The following KIAA1671 variants were observed in gnomAD, a reference collection of about 807,000 sequenced individuals.
KIAA1671 encodes KIAA1671.
In KIAA1671, 52 loss-of-function variants were observed where a neutral mutation model predicts 131.2. That is an observed-to-expected ratio of 0.40 (90% CI 0.32 to 0.50). KIAA1671 has a LOEUF of 0.50. KIAA1671 is among the 20% of genes least tolerant of loss of function. The pLI is 0.73. For synonymous variants in KIAA1671, 1,003 were observed against 961.6 expected (o/e 1.04, Z -0.80); for missense variants, 2,360 against 2,364.2 (o/e 1.00, Z 0.04).
intron 1 of KIAA1671, among the ~76,000 whole-genome samples, chr22:24,999,888 CTTTG>C (rs1361704382): frequency 4.0e-5 from 6 of 149,022 alleles, no homozygotes; most frequent in African/African-American, 9.9e-5. Context: ...CATTTATGTG[CTTTG>C]TTTGTTTGTT....
chr22:25,003,276 T>G (rs1329914582), intron 1 of KIAA1671, among the ~76,000 whole-genome samples: 1 of 152,204 alleles, frequency 6.6e-6, no homozygotes, highest in African/African-American at 2.4e-5. Flanking sequence ...TTGTGAAGCA[T>G]TTCATATAGA....
At chr22:25,049,468 C>CG in intron 6 of KIAA1671, 104 bp downstream of exon 6, 2 of 1,332,540 alleles carry the variant, frequency 1.5e-6, no homozygotes, top group Non-Finnish European at 2.0e-6. Context: ...AGGGCCCTGA[C>CG]GGGGTTGAGG....
intron 1 of KIAA1671, among the ~76,000 whole-genome samples, chr22:25,016,484 C>T (rs1184197948): frequency 1.3e-5 from 2 of 152,170 alleles, no homozygotes; most frequent in South Asian, 2.1e-4. Flanking sequence ...TTAAAAATGA[C>T]AGGAAATTTA....
intron 4 of KIAA1671, among the ~76,000 whole-genome samples, chr22:25,034,124 C>T (rs1926458449): frequency 6.6e-6 from 1 of 151,024 alleles, no homozygotes; most frequent in Non-Finnish European, 1.5e-5. Context: ...TGGCTCACAG[C>T]AACATCCACC....
intron 6 of KIAA1671, among the ~76,000 whole-genome samples, chr22:25,066,691 C>G (rs1371227068): frequency 1.3e-5 from 2 of 152,168 alleles, no homozygotes; most frequent in East Asian, 3.9e-4. Context: ...TTTGCAGGTT[C>G]TAGGTGGACA....
At chr22:25,112,683 C>T (rs916121972) in intron 6 of KIAA1671, 2 of 309,796 alleles carry the variant, frequency 6.5e-6, no homozygotes. Flanking sequence ...TTGCTGGAGT[C>T]GACGTCTGTG....
Position 25,039,991 on chromosome 22 carries a change from C to A in KIAA1671, c.2861C>A (p.Pro954His), listed in dbSNP as rs1024729072. ...MDRWRRRTLP[P>H]NVKFDTFSSL... Reference sequence around the variant, plus strand: ...AGATGGCGGCGGCGGACTTTACCCCCCAACGTGAAATTTGATACATTCAGT... The same window carrying A: ...AGATGGCGGCGGCGGACTTTACCCCACAACGTGAAATTTGATACATTCAGT... Residue 954 changes from proline to histidine, a missense_variant, in exon 5 of 13, where the codon CCC becomes CAC. Transcript: ENST00000358431. The A allele has an allele frequency of 2.4e-5, 38 of 1,551,188 alleles. No individual in the cohort carries two copies. The East Asian group carries it at 3.2e-4, about 13-fold the overall frequency.
chr22:24,957,497 C>T (rs1921773951), intron 1 of KIAA1671, among the ~76,000 whole-genome samples: 1 of 152,112 alleles, frequency 6.6e-6, no homozygotes, highest in African/African-American at 2.4e-5. Context: ...GTTCACTCTC[C>T]TTCTTCCACT....
intron 6 of KIAA1671, among the ~76,000 whole-genome samples, chr22:25,087,029 A>G (rs1929761178): frequency 6.6e-6 from 1 of 152,184 alleles, no homozygotes; most frequent in South Asian, 2.1e-4. Flanking sequence ...GCAACGGAAC[A>G]GGGTTCAAAT....
chr22:25,159,161 C>T (rs1478433959), intron 6 of KIAA1671, among the ~76,000 whole-genome samples: 4 of 152,132 alleles, frequency 2.6e-5, no homozygotes, highest in Admixed American at 1.3e-4. Flanking sequence ...AAGGAAGCCC[C>T]CACTCAGAGC....
chr22:25,123,483 T>C (rs1932042693), intron 6 of KIAA1671, among the ~76,000 whole-genome samples: 1 of 152,126 alleles, frequency 6.6e-6, no homozygotes, highest in Non-Finnish European at 1.5e-5. Context: ...TGAGCTACCG[T>C]GCCCGGCTGA....
At chr22:25,003,103 C>T (rs1028191997) in intron 1 of KIAA1671, among the ~76,000 whole-genome samples, 3 of 151,878 alleles carry the variant, frequency 2.0e-5, no homozygotes, top group Non-Finnish European at 2.9e-5. Flanking sequence ...CTTTTTTTTC[C>T]CTCTTATTAC....
intron 6 of KIAA1671, among the ~76,000 whole-genome samples, chr22:25,075,552 C>T (rs1209926508): frequency 3.3e-5 from 5 of 151,376 alleles, no homozygotes; most frequent in African/African-American, 7.3e-5. Flanking sequence ...AGTGCAGTGG[C>T]GTGATCTCGG....
At chr22:24,974,059 CA>C (rs1922782598) in intron 1 of KIAA1671, among the ~76,000 whole-genome samples, 1 of 152,142 alleles carries the variant, frequency 6.6e-6, no homozygotes, top group Non-Finnish European at 1.5e-5. Context: ...GAGGCCCTGT[CA>C]CCTGGCAGGC....
At chr22:25,055,787 T>G (rs943013005) in intron 6 of KIAA1671, 2 of 113,682 alleles carry the variant, frequency 1.8e-5, no homozygotes, top group African/African-American at 7.2e-5. Flanking sequence ...AACATATATA[T>G]AGATAGATAT....
intron 6 of KIAA1671, among the ~76,000 whole-genome samples, chr22:25,121,941 T>A (rs1250266432): frequency 6.6e-6 from 1 of 152,190 alleles, no homozygotes; most frequent in Non-Finnish European, 1.5e-5. Flanking sequence ...ACAAGCCAGC[T>A]CCAGTATACG....
chr22:25,016,864 T>A (rs1176835581), intron 1 of KIAA1671, among the ~76,000 whole-genome samples: 2 of 152,196 alleles, frequency 1.3e-5, no homozygotes, highest in East Asian at 3.9e-4. Context: ...GCCAGCGGTG[T>A]TAAACAGCAA....
At chr22:25,025,447 G>C (rs1411518020) in intron 1 of KIAA1671, among the ~76,000 whole-genome samples, 186 bp from the exon 2 acceptor site, 4 of 152,182 alleles carry the variant, frequency 2.6e-5, no homozygotes, top group African/African-American at 9.6e-5. Flanking sequence ...AGCACGTACT[G>C]TGGGCTCAGC....
intron 6 of KIAA1671, among the ~76,000 whole-genome samples, chr22:25,113,021 C>G (rs1931448153): frequency 6.6e-6 from 1 of 152,174 alleles, no homozygotes; most frequent in African/African-American, 2.4e-5. Context: ...GCCTTGATTT[C>G]TTACTCAGGC....
Sources: gnomAD v4.1 joint callset for allele counts (sites outside exome capture counted in the v4.1 genomes callset) on GRCh38, gnomAD v4.1.1 for gene constraint, MANE v1.5 for transcripts, NCBI Gene and HGNC (gene_info 2026-07-23, HGNC 2026-07-21) for gene names.